The following MGAM variants were observed in gnomAD, a reference collection of about 807,000 sequenced individuals.
MGAM encodes the protein alpha-1,4-glucosidase.
Under a neutral mutation model 358.8 loss-of-function variants are expected in MGAM, and 253 were observed. The observed-to-expected ratio is 0.71, with a 90% confidence interval of 0.64 to 0.78. The LOEUF is 0.78. MGAM is among the 30% of genes least tolerant of loss of function. MGAM has a pLI of 0.00. For missense variants in MGAM, 3,080 were observed against 3,432.6 expected (o/e 0.90, Z 2.57); for synonymous variants, 1,105 against 1,227.1 (o/e 0.90, Z 2.08).
At chr7:142,027,484 A>G in intron 9 of MGAM, 126 bp from the exon 10 acceptor site, 1 of 1,112,700 alleles carries the variant, frequency 9.0e-7, no homozygotes, top group Non-Finnish European at 1.3e-6. Flanking sequence ...ATAGACTAAC[A>G]TTCTAACATT....
chr7:142,072,189 C>G (rs1366883496), intron 44 of MGAM, among the ~76,000 whole-genome samples: 1 of 145,918 alleles, frequency 6.9e-6, no homozygotes, highest in Non-Finnish European at 1.6e-5. Context: ...GTATTCAAAA[C>G]CAATCACAAC....
chr7:142,027,599 A>G lies in MGAM; in HGVS notation c.1096-11A>G. ...GTATTTGCTAATTTTCACTTCACAT[A>G]TTTCTTTCAGCTCATTGGGCGGCCA... On this transcript the variant is annotated splice_polypyrimidine_tract_variant and intron_variant, in intron 9 of 70. Transcript: ENST00000475668. The G allele has an allele frequency of 1.9e-6, 3 of 1,611,280 alleles. No individual in the cohort carries two copies. Among genetic ancestry groups the G allele is most frequent in the African/African-American group, 1.3e-5 (1 of 74,892 alleles).
chr7:142,072,563 C>G (rs1813430074), intron 44 of MGAM, among the ~76,000 whole-genome samples: 1 of 146,278 alleles, frequency 6.8e-6, no homozygotes, highest in African/African-American at 2.4e-5. Context: ...ATTGTAGTAT[C>G]TGAAGTGTTT....
In MGAM at chr7:142,058,312, C is replaced by A. The variant is rs533240347; in HGVS notation, c.3803C>A (p.Ala1268Asp). 1.2e-6 allele frequency: 2 copies of A among 1,613,878 alleles called. No individual in the cohort carries two copies. Among genetic ancestry groups the A allele is most frequent in the East Asian group, 4.5e-5 (2 of 44,884 alleles). The stretch of plus-strand genomic sequence containing the variant: ...GCCAGCTTGTATGATGAGATGGTGG[C>A]TGCCCAGATCCCTTATGTACGTTCT... ...EIASLYDEMV[A>D]AQIPYDVQYS... Residue 1268 changes from alanine to aspartate, a missense_variant, in exon 31 of 71, where the codon GCT (alanine) becomes GAT (aspartate). Coordinates refer to ENST00000475668, the MANE Select transcript of MGAM (RefSeq NM_001365693.1).
At chr7:142,031,040 G>T (rs974079956) in intron 12 of MGAM, among the ~76,000 whole-genome samples, 2 of 152,092 alleles carry the variant, frequency 1.3e-5, no homozygotes, top group Non-Finnish European at 2.9e-5. Flanking sequence ...GCTGACTGTG[G>T]TCTCCTTCCT....
At chr7:142,019,974 C>T (rs1165696640) in intron 4 of MGAM, among the ~76,000 whole-genome samples, 1 of 151,714 alleles carries the variant, frequency 6.6e-6, no homozygotes, top group African/African-American at 2.4e-5. Context: ...GAGGCTGAGC[C>T]AGGAGAATCG....
In MGAM at chr7:142,037,092, G is replaced by A. The variant is rs542340751; in HGVS notation, c.2231+115G>A. The A allele has an allele frequency of 1.7e-4, 183 of 1,052,348 alleles. 5 individuals are homozygous for A. In the South Asian group the frequency reaches 2.7e-3, roughly 16 times the overall value. 65.2% of individuals were successfully genotyped at this position (1,052,348 alleles called of 1,614,324 possible). On this transcript the variant is annotated intron_variant, in intron 18 of 70. Coordinates refer to ENST00000475668, the MANE Select transcript of MGAM (RefSeq NM_001365693.1). ...TTCAGGCAGTTATTCATATCTATCT[G>A]TATCTATATCTGTAATCTAGCTATC...
Position 142,021,664 on chromosome 7 carries a change from T to C in MGAM, c.637T>C (p.Leu213=). 6.2e-7 allele frequency: 1 copy of C among 1,613,986 alleles called. No individual in the cohort carries two copies. The highest frequency in any genetic ancestry group is 1.3e-5 in the African/African-American group (1 of 75,062). The change falls in exon 6 of 71, where the codon TTG becomes CTG. Residue 213 remains leucine (L), a synonymous_variant. Coordinates refer to ENST00000475668, the MANE Select transcript of MGAM (RefSeq NM_001365693.1). ...CTTCAGTGGAAATGCTGCTGCTTCTTTGACCTACCAAGTTGAAATCTCCAG... is the reference window on the plus strand; with the variant it reads ...CTTCAGTGGAAATGCTGCTGCTTCTCTGACCTACCAAGTTGAAATCTCCAG... The part of the protein sequence containing the change: ...QSFSGNAAAS[L]TYQVEISRQP...
chr7:142,085,290 G>A (rs562785735), intron 54 of MGAM, among the ~76,000 whole-genome samples: 5 of 146,664 alleles, frequency 3.4e-5, no homozygotes, highest in African/African-American at 1.2e-4. Context: ...GTGGAACATA[G>A]CGTTTCCATT....
rs185019480 is a variant in MGAM at position 142,051,417 on chromosome 7, G to A, written c.2805+553G>A. On this transcript the variant is annotated intron_variant, in intron 24 of 70. Coordinates refer to ENST00000475668, the MANE Select transcript of MGAM (RefSeq NM_001365693.1). ...GGGAAGTACAAGATGGTTTAGATTG[G>A]GAGGAGACTAGGAGAAGGATGATAA... is the stretch of plus-strand genomic sequence containing the variant. Among the ~76,000 whole-genome samples, 1,226 of 152,194 alleles carry A rather than the reference G, an allele frequency of 8.1e-3. 23 individuals are homozygous for A. The highest frequency in any genetic ancestry group is 0.041 in the East Asian group (211 of 5,168).
chr7:142,006,251 T>G (rs529707701), intron 2 of MGAM, among the ~76,000 whole-genome samples: 14 of 152,014 alleles, frequency 9.2e-5, no homozygotes, highest in African/African-American at 2.7e-4. Flanking sequence ...CTAAAAGAAG[T>G]CAAAAGGAGC....
intron 28 of MGAM, 102 bp from the exon 29 acceptor site, chr7:142,055,898 T>C (rs1444446376): frequency 1.4e-6 from 2 of 1,458,382 alleles, no homozygotes; most frequent in Admixed American, 2.0e-5. Flanking sequence ...TCTAGTTTCA[T>C]GGAGAAAACT....
Position 142,103,324 on chromosome 7 carries a change from T to C in MGAM, c.8069T>C (p.Leu2690Ser), listed in dbSNP as rs201177568. Reference protein sequence around the residue: ...FNNYITGTNPLKLGYIEIWGV... With the variant: ...FNNYITGTNPSKLGYIEIWGV... ...AATTACATCACTGGTACAAATCCTT[T>C]GAAACTGGGCTACATTGAAATCTGG... Residue 2690 changes from leucine to serine, a missense_variant, in exon 70 of 71, where the codon TTG (leucine) becomes TCG (serine). By Grantham distance (145) the Leu-to-Ser change is moderately radical (BLOSUM62 -2). Coordinates refer to ENST00000475668, the MANE Select transcript of MGAM (RefSeq NM_001365693.1). 1,498 of 1,613,032 alleles carry C rather than the reference T, an allele frequency of 9.3e-4. 2 individuals are homozygous for C. The highest frequency in any genetic ancestry group is 2.0e-3 in the Middle Eastern group (12 of 6,060).
intron 13 of MGAM, 146 bp downstream of exon 13, chr7:142,031,939 A>G (rs1807537829): frequency 3.8e-6 from 2 of 527,320 alleles, no homozygotes; most frequent in Non-Finnish European, 6.7e-6. Context: ...CTCTCTTACT[A>G]TTTAAATAAT....
intron 8 of MGAM, among the ~76,000 whole-genome samples, chr7:142,026,753 T>A (rs1286339345): frequency 1.3e-5 from 2 of 152,190 alleles, no homozygotes; most frequent in Non-Finnish European, 2.9e-5. Flanking sequence ...TTTTAGCACA[T>A]CAGGGATTTC....
rs1585035558 is a variant in MGAM at position 142,060,962 on chromosome 7, G to A, written c.4122+589G>A. 2.6e-5 allele frequency among the ~76,000 whole-genome samples: 3 copies of A among 113,780 alleles called. No homozygotes were observed. In the East Asian group the frequency reaches 1.5e-3, roughly 55 times the overall value. The allele number at this position is 113,780 out of a possible 152,430, so 74.6% of individuals were successfully genotyped here. ...GTAAAACTTGCTCTCTCCTGGGGAC[G>A]GTTTGTTGCTTGTAATGGATCCAAG... On this transcript the variant is annotated intron_variant, in intron 34 of 70. Coordinates refer to ENST00000475668, the MANE Select transcript of MGAM (RefSeq NM_001365693.1).
chr7:142,040,253 C>T lies in MGAM; in HGVS notation c.2373+82C>T, dbSNP rs1324349123. ...CAAGCTACCTTTCTGGAGAGAGAAA[C>T]ATCCATCTACATGCTGAGGAGTAGT... On this transcript the variant is annotated intron_variant, in intron 20 of 70. Transcript: ENST00000475668. The T allele has an allele frequency of 5.6e-6, 6 of 1,076,642 alleles. No homozygotes were observed. In the African/African-American group the frequency reaches 9.4e-5, roughly 17 times the overall value. 66.7% of individuals were successfully genotyped at this position (1,076,642 alleles called of 1,614,324 possible).
chr7:141,986,803 A>G (rs1449738914), intron 2 of MGAM, among the ~76,000 whole-genome samples: 4 of 152,152 alleles, frequency 2.6e-5, no homozygotes, highest in African/African-American at 9.7e-5. Context: ...TTCCAAGAAA[A>G]TGCATTATGA....
At chr7:142,048,829 G>A (rs985675863) in intron 22 of MGAM, among the ~76,000 whole-genome samples, 5 of 152,140 alleles carry the variant, frequency 3.3e-5, no homozygotes, top group East Asian at 1.9e-4. Flanking sequence ...TATTTAATTG[G>A]CAAATAAAGA....
Sources: gnomAD v4.1 joint callset for allele counts (sites outside exome capture counted in the v4.1 genomes callset) on GRCh38, gnomAD v4.1.1 for gene constraint, MANE v1.5 for transcripts, NCBI Gene and HGNC (gene_info 2026-07-23, HGNC 2026-07-21) for gene names.